Variants in MRTFB observed in about 807,000 individuals in gnomAD.
MRTFB encodes myocardin related transcription factor B.
In MRTFB, 29 loss-of-function variants were observed where a neutral mutation model predicts 104.2. The ratio of observed to expected loss-of-function variants is 0.28; its 90% CI spans 0.21 to 0.38. The LOEUF (loss-of-function observed/expected upper bound fraction) is 0.38. MRTFB is among the 10% of genes least tolerant of loss of function. The probability of loss-of-function intolerance (pLI) is 1.00; values close to 1 mark genes in which losing one functional copy is unlikely to be tolerated. For synonymous variants in MRTFB, 535 were observed against 519.5 expected (o/e 1.03, Z -0.41); for missense variants, 1,270 against 1,341.6 (o/e 0.95, Z 0.83).
the MRTFB span, among the ~76,000 whole-genome samples, chr16:14,042,342 C>T: frequency 6.6e-6 from 1 of 152,202 alleles, no homozygotes. Context: ...CCAGACTAGT[C>T]TGAACTCCTG....
At chr16:14,200,113 G>T in intron 3 of MRTFB, 1 of 613,418 alleles carries the variant, frequency 1.6e-6, no homozygotes, top group Non-Finnish European at 2.8e-6. Context: ...AGTTTTAAGG[G>T]CGTGTTCCAT....
intron 4 of MRTFB, among the ~76,000 whole-genome samples, chr16:14,212,039 T>A (rs1481113978): frequency 6.6e-6 from 1 of 152,200 alleles, no homozygotes; most frequent in Non-Finnish European, 1.5e-5. Flanking sequence ...GAGCAAAGAC[T>A]CATCAAGGAG....
chr16:14,231,294 T>TAAATA (rs1555456099), intron 8 of MRTFB, among the ~76,000 whole-genome samples: 1 of 151,580 alleles, frequency 6.6e-6, no homozygotes, highest in Non-Finnish European at 1.5e-5. Context: ...AATAATAAAA[T>TAAATA]AAAAAATAAA....
At chr16:14,186,712 TGA>T (rs1454914786) in intron 3 of MRTFB, 7 of 1,398,142 alleles carry the variant, frequency 5.0e-6, no homozygotes, top group Admixed American at 6.5e-5. Context: ...TCCAGCGGCA[TGA>T]GTGTATTTGC....
At chr16:14,091,994 CAAAAAAAAAAAA>C (rs10523985) in intron 2 of MRTFB, among the ~76,000 whole-genome samples, 6 of 82,170 alleles carry the variant, frequency 7.3e-5, no homozygotes, top group South Asian at 4.8e-4. Context: ...GACTTCATCT[CAAAAAAAAAAAA>C]AAAAAAAAAA....
chr16:14,234,325 G>A, intron 9 of MRTFB, 42 bp downstream of exon 9: 1 of 1,605,748 alleles, frequency 6.2e-7, no homozygotes, highest in Non-Finnish European at 8.5e-7. Context: ...GGCTTTATTT[G>A]TGACTCTGTC....
At chr16:14,132,916 A>G (rs988283120) in intron 2 of MRTFB, among the ~76,000 whole-genome samples, 3 of 152,172 alleles carry the variant, frequency 2.0e-5, no homozygotes, top group African/African-American at 7.2e-5. Flanking sequence ...TTGTTCCTAA[A>G]TCTGTTTATG....
chr16:14,007,983 T>C, the MRTFB span, among the ~76,000 whole-genome samples: 35 of 152,368 alleles, frequency 2.3e-4, no homozygotes, highest in Non-Finnish European at 4.4e-4. Context: ...AAGTCTCTTA[T>C]CAGATATACA....
chr16:14,200,751 C>T, intron 3 of MRTFB: 1 of 1,486,220 alleles, frequency 6.7e-7, no homozygotes, highest in Non-Finnish European at 9.4e-7. Flanking sequence ...GGACTTGTTG[C>T]CTGTCCAGTG....
chr16:14,175,483 C>T (rs115072235), intron 3 of MRTFB, among the ~76,000 whole-genome samples: 1 of 152,170 alleles, frequency 6.6e-6, no homozygotes, highest in Non-Finnish European at 1.5e-5. Context: ...TGCATTTACT[C>T]ATTTATTCAT....
At chr16:14,189,879 T>A (rs1028262900) in intron 3 of MRTFB, among the ~76,000 whole-genome samples, 1 of 152,230 alleles carries the variant, frequency 6.6e-6, no homozygotes, top group African/African-American at 2.4e-5. Context: ...ATCTTGTAAT[T>A]GTTGACAGTG....
At chr16:14,149,997 A>G (rs2038533348) in intron 3 of MRTFB, among the ~76,000 whole-genome samples, 2 of 152,206 alleles carry the variant, frequency 1.3e-5, no homozygotes, top group Non-Finnish European at 2.9e-5. Context: ...TAAAGCATCT[A>G]AAGTGACTAG....
intron 3 of MRTFB, among the ~76,000 whole-genome samples, chr16:14,195,331 G>C (rs146708880): frequency 6.6e-6 from 1 of 152,238 alleles, no homozygotes; most frequent in East Asian, 1.9e-4. Context: ...TCATCGTCTG[G>C]ATCATCTCAC....
At chr16:14,125,153 G>A (rs963402921) in intron 2 of MRTFB, among the ~76,000 whole-genome samples, 6 of 152,144 alleles carry the variant, frequency 3.9e-5, no homozygotes, top group African/African-American at 1.2e-4. Flanking sequence ...CTTGCTGTCC[G>A]GTGTGCTAAA....
intron 3 of MRTFB, among the ~76,000 whole-genome samples, chr16:14,154,663 G>T (rs1403841523): frequency 6.6e-6 from 1 of 152,168 alleles, no homozygotes. Context: ...CTCTGCCTCA[G>T]AGTCTCTCAG....
the MRTFB span, among the ~76,000 whole-genome samples, chr16:14,022,617 G>A: frequency 6.6e-5 from 10 of 152,208 alleles, no homozygotes; most frequent in Admixed American, 5.2e-4. Flanking sequence ...GGATGATCAA[G>A]ATGGTCTCAA....
intron 2 of MRTFB, among the ~76,000 whole-genome samples, chr16:14,103,229 G>A (rs1469094711): frequency 1.3e-5 from 2 of 152,062 alleles, no homozygotes; most frequent in Non-Finnish European, 1.5e-5. Flanking sequence ...TTAAAGTCAG[G>A]GAATAGATCT....
At chr16:14,244,472 A>G (rs377710204) in intron 10 of MRTFB, among the ~76,000 whole-genome samples, 2 of 152,226 alleles carry the variant, frequency 1.3e-5, no homozygotes, top group African/African-American at 4.8e-5. Context: ...AAAAGTTTCA[A>G]AGAAAAGATG....
chr16:14,118,724 CAT>C lies in MRTFB; in HGVS notation c.-63-21810_-63-21809del, dbSNP rs143381749. On this transcript the variant is annotated intron_variant, in intron 2 of 16. Transcript: ENST00000571589. ...CATATATATATAGTGTAAGTATTTA[CAT>C]ATATATATACACACATATATATACA... Among the ~76,000 whole-genome samples the C allele has an allele frequency of 1.4e-3, 212 of 150,662 alleles. 1 individual carries two copies. The highest frequency in any genetic ancestry group is 4.9e-3 in the African/African-American group (202 of 40,912).
Sources: allele counts gnomAD v4.1 joint callset (sites outside exome capture counted in the v4.1 genomes callset), GRCh38; gene constraint gnomAD v4.1.1; transcripts MANE v1.5; gene names NCBI Gene and HGNC (gene_info 2026-07-23, HGNC 2026-07-21).